Variants in KCNH8 observed in about 807,000 individuals in gnomAD.
KCNH8 encodes potassium voltage-gated channel subfamily H member 8.
KCNH8 carries 70 observed loss-of-function variants against 103.6 expected under a neutral mutation model. That is an observed-to-expected ratio of 0.68 (90% CI 0.56 to 0.82). The LOEUF is 0.82. Ranked by LOEUF, KCNH8 falls within the 40% of genes least tolerant of loss-of-function variation. The pLI is 0.00. For synonymous variants in KCNH8, 498 were observed against 489.4 expected, an observed-to-expected ratio of 1.02 and a Z score of -0.23; for missense variants, 1,217 against 1,329.9, an observed-to-expected ratio of 0.92 and a Z score of 1.32.
chr3:19,188,297 A>G (rs2063521474), intron 1 of KCNH8, among the ~76,000 whole-genome samples: 1 of 152,116 alleles, frequency 6.6e-6, no homozygotes, highest in South Asian at 2.1e-4. Flanking sequence ...AATATATTCT[A>G]GAGCAGAGAT....
intron 1 of KCNH8, among the ~76,000 whole-genome samples, chr3:19,157,578 T>A (rs531094104): frequency 6.6e-6 from 1 of 152,204 alleles, no homozygotes; most frequent in East Asian, 1.9e-4. Context: ...ATAAAATTAT[T>A]TGGTAGATAT....
In KCNH8 at chr3:19,450,383, A is replaced by G. The variant is rs182163005; in HGVS notation, c.1575+78A>G. 1.2e-5 allele frequency: 13 copies of G among 1,130,178 alleles called. No homozygotes were observed. In the Admixed American group the frequency reaches 1.9e-4, roughly 16 times the overall value. 70.0% of individuals were successfully genotyped at this position (1,130,178 alleles called of 1,614,324 possible). A position where few individuals can be genotyped will look rare whatever the true frequency, so the allele number is the denominator to read the frequency against. On this transcript the variant is annotated intron_variant, in intron 9 of 15. Transcript: ENST00000328405. ...AAACGCAAGATGTTCTAATGCAGGT[A>G]TCAGAAGTGAAAAGCATACCAACTT...
chr3:19,247,001 T>C (rs555947833), intron 1 of KCNH8, among the ~76,000 whole-genome samples: 1 of 152,326 alleles, frequency 6.6e-6, no homozygotes, highest in South Asian at 2.1e-4. Flanking sequence ...ACCTCAGCAC[T>C]AGAGTTCCAG....
chr3:19,513,777 G>A (rs1009444515), intron 13 of KCNH8, among the ~76,000 whole-genome samples: 1 of 152,030 alleles, frequency 6.6e-6, no homozygotes, highest in African/African-American at 2.4e-5. Context: ...TATTATCAAG[G>A]ACGGCTAAAA....
intron 11 of KCNH8, among the ~76,000 whole-genome samples, chr3:19,507,505 T>C (rs2068715711): frequency 6.6e-6 from 1 of 152,108 alleles, no homozygotes; most frequent in Non-Finnish European, 1.5e-5. Flanking sequence ...AGGCCCTTTG[T>C]TCCATCCCCA....
intron 1 of KCNH8, among the ~76,000 whole-genome samples, chr3:19,245,040 T>C (rs973483475): frequency 6.6e-6 from 1 of 152,198 alleles, no homozygotes; most frequent in African/African-American, 2.4e-5. Flanking sequence ...CCAAGGCCAA[T>C]ATTGAGAAGG....
chr3:19,159,987 A>G (rs982078409), intron 1 of KCNH8, among the ~76,000 whole-genome samples: 8 of 152,106 alleles, frequency 5.3e-5, no homozygotes, highest in African/African-American at 1.9e-4. Context: ...CCTTTTTGGG[A>G]TCAATGACCT....
intron 5 of KCNH8, among the ~76,000 whole-genome samples, chr3:19,383,472 A>G (rs2066314538): frequency 6.6e-6 from 1 of 151,886 alleles, no homozygotes; most frequent in Non-Finnish European, 1.5e-5. Flanking sequence ...TTCGCCTCCA[A>G]GCGATTCTTC....
At chr3:19,235,416 T>C (rs2064051999) in intron 1 of KCNH8, among the ~76,000 whole-genome samples, 1 of 152,220 alleles carries the variant, frequency 6.6e-6, no homozygotes, top group Non-Finnish European at 1.5e-5. Context: ...TCCAGAATTA[T>C]GTGTGCCTCT....
At chr3:19,397,106 C>G (rs1224425770) in intron 7 of KCNH8, among the ~76,000 whole-genome samples, 1 of 151,844 alleles carries the variant, frequency 6.6e-6, no homozygotes, top group African/African-American at 2.4e-5. Flanking sequence ...TTTCTTCCCA[C>G]AACATATAGA....
At chr3:19,369,149 G>A (rs2066052955) in intron 5 of KCNH8, among the ~76,000 whole-genome samples, 1 of 151,918 alleles carries the variant, frequency 6.6e-6, no homozygotes, top group South Asian at 2.1e-4. Context: ...GAACAGTGGA[G>A]GTAACAGTAT....
intron 5 of KCNH8, among the ~76,000 whole-genome samples, chr3:19,355,976 TATTA>T (rs2065877301): frequency 6.6e-6 from 1 of 151,784 alleles, no homozygotes; most frequent in Admixed American, 6.6e-5. Flanking sequence ...GGAGTAGTAG[TATTA>T]ATTTGGCATC....
At chr3:19,506,033 A>G (rs1162063922) in intron 11 of KCNH8, among the ~76,000 whole-genome samples, 1 of 152,124 alleles carries the variant, frequency 6.6e-6, no homozygotes, top group African/African-American at 2.4e-5. Context: ...TATAATGGCT[A>G]TTTCATCCAT....
chr3:19,206,247 A>T (rs558692511), intron 1 of KCNH8, among the ~76,000 whole-genome samples: 28 of 146,938 alleles, frequency 1.9e-4, no homozygotes, highest in African/African-American at 7.2e-4. Context: ...ACTGATTGAT[A>T]TATATAGATA....
At chr3:19,501,244 G>T (rs1165146880) in intron 11 of KCNH8, among the ~76,000 whole-genome samples, 1 of 152,140 alleles carries the variant, frequency 6.6e-6, no homozygotes, top group Non-Finnish European at 1.5e-5. Flanking sequence ...TTGAATCTCT[G>T]AATAGACCAA....
intron 3 of KCNH8, among the ~76,000 whole-genome samples, chr3:19,341,355 T>C (rs1156232148): frequency 1.3e-5 from 2 of 152,104 alleles, no homozygotes; most frequent in Non-Finnish European, 2.9e-5. Context: ...GCGCTGGCTG[T>C]GGCCAATTAT....
intron 2 of KCNH8, among the ~76,000 whole-genome samples, chr3:19,277,663 A>G (rs946075123): frequency 2.6e-5 from 4 of 152,212 alleles, no homozygotes; most frequent in Admixed American, 6.5e-5. Flanking sequence ...TTCCCAATCA[A>G]GAAAAAGAAA....
In KCNH8 at chr3:19,505,762, G is replaced by A. The variant is rs548832835; in HGVS notation, c.2041-4601G>A. Among the ~76,000 whole-genome samples, 138 of 152,260 alleles carry A rather than the reference G, an allele frequency of 9.1e-4. 1 individual carries two copies. The highest frequency in any genetic ancestry group is 1.5e-3 in the Non-Finnish European group (99 of 68,002). Reference sequence around the variant, plus strand: ...TGATATTCTGAGATATATTTTCCAGGTTGCTTGCTTTCTCCCTAGCTCTTT... The same window carrying A: ...TGATATTCTGAGATATATTTTCCAGATTGCTTGCTTTCTCCCTAGCTCTTT... On this transcript the variant is annotated intron_variant, in intron 11 of 15. Transcript: ENST00000328405.
chr3:19,493,445 G>A (rs895808785), intron 11 of KCNH8, among the ~76,000 whole-genome samples: 1 of 152,038 alleles, frequency 6.6e-6, no homozygotes, highest in Non-Finnish European at 1.5e-5. Flanking sequence ...TTTTATAAAT[G>A]GCAGTTTTTC....
Sources: allele counts gnomAD v4.1 joint callset (sites outside exome capture counted in the v4.1 genomes callset), GRCh38; gene constraint gnomAD v4.1.1; transcripts MANE v1.5; gene names NCBI Gene and HGNC (gene_info 2026-07-23, HGNC 2026-07-21).